Variants in UBA3 observed in about 807,000 individuals in gnomAD.
UBA3 encodes NEDD8-activating enzyme E1 catalytic subunit.
In UBA3, 26 loss-of-function variants were observed where a neutral mutation model predicts 73.5. The observed-to-expected ratio is 0.35, with a 90% CI of 0.26 to 0.49. UBA3 has a LOEUF of 0.49. Among genes scored for constraint, UBA3 ranks in the 20% least tolerant of loss-of-function variants. The pLI is 0.98. For synonymous variants in UBA3, 217 were observed against 191.2 expected (o/e 1.13, Z -1.11); for missense variants, 495 against 555.6 (o/e 0.89, Z 1.10).
At chr3:69,062,251 C>A in intron 9 of UBA3, 72 bp from the exon 10 acceptor site, 1 of 989,524 alleles carries the variant, frequency 1.0e-6, no homozygotes, top group Middle Eastern at 2.1e-4. Context: ...CAGTTATGAT[C>A]TAGTTCTTAA....
chr3:69,061,946 G>GGA lies in UBA3; in HGVS notation c.797-21_797-20dup, dbSNP rs749819588. The GGA allele has an allele frequency of 7.5e-4, 1,024 of 1,372,710 alleles. 1 individual carries two copies. The East Asian group carries it at 0.01, about 14-fold the overall frequency. The allele number at this position is 1,372,710 out of a possible 1,614,324, so 85.0% of individuals were successfully genotyped here. On this transcript the variant is annotated intron_variant, in intron 10 of 17. Coordinates refer to ENST00000361055, the MANE Select transcript of UBA3 (RefSeq NM_003968.4). Reference sequence around the variant, plus strand: ...ACCCCTTCTGTTTAAAAAAAAAAAGGGAGAGAGAGAGAGAGAGAAGACAGG... The same window carrying GGA: ...ACCCCTTCTGTTTAAAAAAAAAAAGGGAGAGAGAGAGAGAGAGAGAAGACAGG...
chr3:69,068,161 C>A (rs1474084541), intron 5 of UBA3, among the ~76,000 whole-genome samples, 153 bp from the exon 6 acceptor site: 1 of 152,142 alleles, frequency 6.6e-6, no homozygotes, highest in Admixed American at 6.5e-5. Flanking sequence ...TCAGTAATAA[C>A]TTTTGGTAAA....
At chr3:69,066,652 G>A (rs1292075970) in intron 6 of UBA3, among the ~76,000 whole-genome samples, 7 of 151,830 alleles carry the variant, frequency 4.6e-5, no homozygotes, top group Admixed American at 3.9e-4. Flanking sequence ...GGCTGGTCTC[G>A]AACTCCTGAC....
chr3:69,059,439 T>A (rs1303132187), intron 11 of UBA3, among the ~76,000 whole-genome samples: 2 of 152,086 alleles, frequency 1.3e-5, no homozygotes, highest in African/African-American at 4.8e-5. Context: ...TTCTGAGCAA[T>A]TACCAAAAAA....
In UBA3 at chr3:69,064,102, G is replaced by A. The variant is rs2092046790; in HGVS notation, c.438C>T (p.Asn146=). 6.2e-7 allele frequency: 1 copy of A among 1,602,900 alleles called. No individual in the cohort carries two copies. Among genetic ancestry groups the A allele is most frequent in the Non-Finnish European group, 8.5e-7 (1 of 1,176,036 alleles). Residue 146 remains asparagine (N), a synonymous_variant, in exon 7 of 18, where the codon AAC becomes AAT. Coordinates refer to ENST00000361055, the MANE Select transcript of UBA3 (RefSeq NM_003968.4). ...VPNCNVVPHF[N]KIQDFNDTFY... is the part of the protein sequence containing the mutation. ...AAGTGTCGTTAAAATCTTGAATCTTGTTGAAATGTCTGAATACAAGTAAAG... is the reference window on the plus strand; with the variant it reads ...AAGTGTCGTTAAAATCTTGAATCTTATTGAAATGTCTGAATACAAGTAAAG...
chr3:69,057,194 T>C, intron 12 of UBA3, 62 bp downstream of exon 12: 1 of 1,525,580 alleles, frequency 6.6e-7, no homozygotes, highest in Non-Finnish European at 9.0e-7. Context: ...ACAAAAAAGC[T>C]GCAGCAACGT....
chr3:69,057,910 A>T (rs1286213829), intron 11 of UBA3, among the ~76,000 whole-genome samples: 2 of 146,206 alleles, frequency 1.4e-5, no homozygotes, highest in African/African-American at 5.0e-5. Flanking sequence ...TCTCTACTTC[A>T]ACCCCACATT....
intron 5 of UBA3, 37 bp downstream of exon 5, chr3:69,071,498 C>A: frequency 8.6e-7 from 1 of 1,163,624 alleles, no homozygotes. Context: ...ATTATCAGAG[C>A]TTAAAAAAAG....
rs201933715 is a variant in UBA3 at position 69,080,325 on chromosome 3, G to A, written c.20+9C>T. 3.5e-4 allele frequency: 568 copies of A among 1,603,856 alleles called. 2 individuals carry two copies. The highest frequency in any genetic ancestry group is 2.2e-3 in the African/African-American group (167 of 74,752). On this transcript the variant is annotated intron_variant, in intron 1 of 17. Transcript: ENST00000361055. ...CAGCCCGGCGCGTCTGCAGAGCCCC[G>A]GTACTTACGGCTCCTCGCCATCCGC...
chr3:69,059,564 C>G (rs564325098), intron 11 of UBA3, among the ~76,000 whole-genome samples: 19 of 151,998 alleles, frequency 1.3e-4, no homozygotes, highest in Non-Finnish European at 1.8e-4. Context: ...AAACACCATC[C>G]CCGGCGTAGG....
At position 69,057,203 on chromosome 3, in the gene UBA3, G is replaced by A. The variant is rs183675196; in HGVS notation, c.964+53C>T. ...TACAACACAAAAAAGCTGCAGCAAC[G>A]TCAAAAACTAAAGAAAGCAAAATAA... is the stretch of plus-strand genomic sequence containing the variant. On this transcript the variant is annotated intron_variant, in intron 12 of 17. Transcript: ENST00000361055. The A allele has an allele frequency of 4.2e-4, 665 of 1,567,894 alleles. 9 individuals are homozygous for A. In the South Asian group the frequency reaches 7.1e-3, roughly 17 times the overall value.
intron 11 of UBA3, among the ~76,000 whole-genome samples, chr3:69,057,635 C>T: frequency 6.6e-6 from 1 of 152,256 alleles, no homozygotes; most frequent in East Asian, 1.9e-4. Flanking sequence ...TTCACAACAT[C>T]TTCATGTTAA....
At chr3:69,065,850 C>T (rs571835828) in intron 6 of UBA3, among the ~76,000 whole-genome samples, 4 of 151,572 alleles carry the variant, frequency 2.6e-5, no homozygotes, top group African/African-American at 4.9e-5. Context: ...GTAACAGTAT[C>T]GCTCATGGTG....
intron 3 of UBA3, 37 bp downstream of exon 3, chr3:69,077,761 C>A: frequency 1.3e-6 from 2 of 1,577,324 alleles, no homozygotes; most frequent in Non-Finnish European, 1.7e-6. Flanking sequence ...AAACATAAAA[C>A]TATTAGAGCA....
intron 3 of UBA3, among the ~76,000 whole-genome samples, chr3:69,076,662 G>A (rs1458791867): frequency 6.6e-6 from 1 of 151,990 alleles, no homozygotes; most frequent in East Asian, 1.9e-4. Flanking sequence ...CCACCTCCAG[G>A]TGCAGTCAAG....
rs895905936 is a variant in UBA3, at chr3:69,055,394, A to G, written c.*43T>C. On this transcript the variant is annotated 3_prime_UTR_variant, in exon 18 of 18. Transcript: ENST00000361055. ...CGATTCAACTTCTTAGCATCCACAA[A>G]GTATATTATTTCCATGAGTTTTCTA... 3.9e-6 allele frequency: 5 copies of G among 1,277,330 alleles called. No individual in the cohort carries two copies. The highest frequency in any genetic ancestry group is 4.2e-6 in the Non-Finnish European group (4 of 948,580). The allele number at this position is 1,277,330 out of a possible 1,614,324, so 79.1% of individuals were successfully genotyped here. A position where few individuals can be genotyped will look rare whatever the true frequency, so the allele number is the denominator to read the frequency against.
rs990373090 is a variant in UBA3, at chr3:69,067,825, T to G, written c.428+103A>C. The G allele has an allele frequency of 7.6e-6, 6 of 788,702 alleles. No homozygotes were observed. In the African/African-American group the frequency reaches 1.1e-4, roughly 14 times the overall value. The allele number at this position is 788,702 out of a possible 1,614,324, so 48.9% of individuals were successfully genotyped here. A position where few individuals can be genotyped will look rare whatever the true frequency, so the allele number is the denominator to read the frequency against. ...CAGTAATAAAGTTACTACTGCTGAC[T>G]TTTTTTCCCTCTTGCTTATCTGTAT... On this transcript the variant is annotated intron_variant, in intron 6 of 17. Transcript: ENST00000361055.
intron 7 of UBA3, 44 bp from the exon 8 acceptor site, chr3:69,063,547 T>C (rs1559643077): frequency 6.9e-7 from 1 of 1,458,700 alleles, no homozygotes; most frequent in South Asian, 1.3e-5. Context: ...AAATATGTAG[T>C]TGCATGATGA....
chr3:69,080,058 G>A (rs1189019119), intron 2 of UBA3, 54 bp downstream of exon 2: 38 of 1,562,288 alleles, frequency 2.4e-5, no homozygotes, highest in Non-Finnish European at 3.3e-5. Context: ...TAGGCCTGGG[G>A]TGGGGGGAGG....
Sources: gnomAD v4.1 joint callset for allele counts (sites outside exome capture counted in the v4.1 genomes callset) on GRCh38, gnomAD v4.1.1 for gene constraint, MANE v1.5 for transcripts, NCBI Gene and HGNC (gene_info 2026-07-23, HGNC 2026-07-21) for gene names.